Variants in FMNL2 observed in about 807,000 individuals in gnomAD.
The protein encoded by FMNL2 is formin-like protein 2.
A neutral mutation model predicts 130.2 loss-of-function variants in FMNL2; 51 were observed. The observed-to-expected ratio is 0.39, with a 90% confidence interval of 0.31 to 0.49. The LOEUF is 0.49. FMNL2 is among the 20% of genes least tolerant of loss of function. FMNL2 has a pLI of 0.85. For synonymous variants in FMNL2, 465 were observed against 467.1 expected (o/e 1.00, Z 0.06); for missense variants, 977 against 1,316.2 (o/e 0.74, Z 3.99).
rs1444430589 is a variant in FMNL2, at chr2:152,625,559, G to A, written c.1959G>A (p.Leu653=). Residue 653 remains leucine (L), a synonymous_variant, in exon 16 of 26, where the codon CTG becomes CTA. Transcript: ENST00000288670. ...ATGAAATTGATGATGAGCGAATTCTGGAGGTATTTTTCTCATTGGTTAGAA... is the reference window on the plus strand; with the variant it reads ...ATGAAATTGATGATGAGCGAATTCTAGAGGTATTTTTCTCATTGGTTAGAA... ...VFNEIDDERI[L]EDLNVDEFEE... The A allele has an allele frequency of 1.2e-6, 2 of 1,602,604 alleles. No individual in the cohort carries two copies. Among genetic ancestry groups the A allele is most frequent in the Non-Finnish European group, 1.7e-6 (2 of 1,170,510 alleles).
intron 1 of FMNL2, among the ~76,000 whole-genome samples, chr2:152,436,127 T>C (rs1186091265): frequency 6.6e-6 from 1 of 152,036 alleles, no homozygotes; most frequent in African/African-American, 2.4e-5. Flanking sequence ...GCTTGATAAG[T>C]TCAGGCCTTT....
At chr2:152,454,041 G>A (rs1387761626) in intron 1 of FMNL2, among the ~76,000 whole-genome samples, 2 of 152,186 alleles carry the variant, frequency 1.3e-5, no homozygotes, top group Non-Finnish European at 2.9e-5. Flanking sequence ...GGGAGGCTGA[G>A]GTGGGTGGAT....
chr2:152,364,297 G>A (rs1683383776), intron 1 of FMNL2, among the ~76,000 whole-genome samples: 1 of 91,856 alleles, frequency 1.1e-5, no homozygotes, highest in African/African-American at 4.9e-5. Context: ...TTTTTTACCA[G>A]ATCCTTAGAT....
In FMNL2 at chr2:152,555,211, G is replaced by A. The variant is rs187287965; in HGVS notation, c.360-3529G>A. 5.3e-5 allele frequency among the ~76,000 whole-genome samples: 8 copies of A among 152,260 alleles called. No individual in the cohort carries two copies. The East Asian group carries it at 5.8e-4, about 11-fold the overall frequency. Reference sequence around the variant, plus strand: ...TGAAAACAGTTTTACCTTCACAGGCGCCCTGAGAGGGTTTCAGGGACCCCT... The same window carrying A: ...TGAAAACAGTTTTACCTTCACAGGCACCCTGAGAGGGTTTCAGGGACCCCT... On this transcript the variant is annotated intron_variant, in intron 4 of 25. Transcript: ENST00000288670.
At chr2:152,599,632 TG>T (rs1200630216) in intron 9 of FMNL2, among the ~76,000 whole-genome samples, 1 of 152,072 alleles carries the variant, frequency 6.6e-6, no homozygotes, top group East Asian at 1.9e-4. Context: ...TGGAAACACC[TG>T]GAAAAGTTAC....
At chr2:152,497,790 G>A (rs1691592684) in intron 1 of FMNL2, among the ~76,000 whole-genome samples, 1 of 152,192 alleles carries the variant, frequency 6.6e-6, no homozygotes, top group African/African-American at 2.4e-5. Context: ...ACATGGGTTA[G>A]TCGGGTTTTC....
rs557404607 is a variant in FMNL2 at position 152,466,816 on chromosome 2, G to A, written c.118-55127G>A. On this transcript the variant is annotated intron_variant, in intron 1 of 25. Coordinates refer to ENST00000288670, the MANE Select transcript of FMNL2 (RefSeq NM_052905.4). ...TCTCAACTAGATCCAAAGAAACATG[G>A]CAGCCTCTGCAGTCCCCGTGAAGTG... 9.9e-5 allele frequency among the ~76,000 whole-genome samples: 15 copies of A among 152,244 alleles called. No homozygotes were observed. The South Asian group carries it at 2.3e-3, about 23-fold the overall frequency.
chr2:152,482,770 G>A (rs1475523757), intron 1 of FMNL2, among the ~76,000 whole-genome samples: 2 of 152,190 alleles, frequency 1.3e-5, no homozygotes, highest in African/African-American at 4.8e-5. Flanking sequence ...GTAAATGTTA[G>A]CTGCTGCTGC....
At chr2:152,594,602 C>T (rs977406296) in intron 9 of FMNL2, among the ~76,000 whole-genome samples, 1 of 152,250 alleles carries the variant, frequency 6.6e-6, no homozygotes, top group African/African-American at 2.4e-5. Flanking sequence ...GTTAGTACCA[C>T]CGCACGAGGT....
At chr2:152,474,019 A>G (rs373694454) in intron 1 of FMNL2, among the ~76,000 whole-genome samples, 2 of 152,168 alleles carry the variant, frequency 1.3e-5, no homozygotes, top group East Asian at 1.9e-4. Flanking sequence ...GGATTACAAG[A>G]GTGCAACACC....
intron 25 of FMNL2, 32 bp from the exon 26 acceptor site, chr2:152,647,764 C>G: frequency 6.2e-7 from 1 of 1,600,150 alleles, no homozygotes; most frequent in Non-Finnish European, 8.6e-7. Context: ...TTAAAGGTTG[C>G]TATTCTCTCA....
chr2:152,335,590 G>T lies in FMNL2; in HGVS notation c.-14G>T. On this transcript the variant is annotated 5_prime_UTR_variant, in exon 1 of 26. Transcript: ENST00000288670. ...GGGGCCCGGAGCAGCCCCCGGCCCC[G>T]GCGCGCCGCCGACATGGGCAACGCA... The T allele has an allele frequency of 1.3e-6, 2 of 1,579,658 alleles. No homozygotes were observed. The highest frequency in any genetic ancestry group is 2.2e-5 in the South Asian group (2 of 89,138).
chr2:152,583,407 G>A lies in FMNL2; in HGVS notation c.876+2358G>A, dbSNP rs538054607. Reference sequence around the variant, plus strand: ...AAGTATGAGTTAGAAAATAGTGAAAGTGTGGAGATTTATTGCAAAGCAAAA... The same window carrying A: ...AAGTATGAGTTAGAAAATAGTGAAAATGTGGAGATTTATTGCAAAGCAAAA... On this transcript the variant is annotated intron_variant, in intron 9 of 25. Transcript: ENST00000288670. Among the ~76,000 whole-genome samples, 13 of 152,312 alleles carry A rather than the reference G, an allele frequency of 8.5e-5. No individual in the cohort carries two copies. The East Asian group carries it at 2.1e-3, about 25-fold the overall frequency.
At chr2:152,643,435 C>A in intron 25 of FMNL2, 1 of 1,536,100 alleles carries the variant, frequency 6.5e-7, no homozygotes, top group Non-Finnish European at 8.7e-7. Flanking sequence ...AGACTGTGCC[C>A]TTTACTGCTC....
chr2:152,356,660 T>A (rs893065093), intron 1 of FMNL2, among the ~76,000 whole-genome samples: 1 of 152,180 alleles, frequency 6.6e-6, no homozygotes, highest in African/African-American at 2.4e-5. Flanking sequence ...GTGACTCTGC[T>A]TTTTTGTTTC....
chr2:152,581,157 T>C (rs1696756632), intron 9 of FMNL2, 108 bp downstream of exon 9: 2 of 904,620 alleles, frequency 2.2e-6, no homozygotes, highest in Admixed American at 2.8e-5. Context: ...AGGAATATAA[T>C]AGTTAATTTC....
At chr2:152,371,357 T>C (rs1268053999) in intron 1 of FMNL2, among the ~76,000 whole-genome samples, 1 of 132,734 alleles carries the variant, frequency 7.5e-6, no homozygotes, top group Non-Finnish European at 1.6e-5. Context: ...GAATATTTGT[T>C]CCTTCCAAAA....
At chr2:152,616,792 C>A (rs1173723773) in intron 12 of FMNL2, among the ~76,000 whole-genome samples, 12 of 152,142 alleles carry the variant, frequency 7.9e-5, no homozygotes, top group Admixed American at 7.9e-4. Context: ...TCCTCTTTCT[C>A]CTTACTTTCC....
rs550214050 is a variant in FMNL2, at chr2:152,649,566, C to T, written c.*1661C>T. 85 of 152,474 alleles carry T rather than the reference C, an allele frequency of 5.6e-4. 2 individuals are homozygous for T. The highest frequency in any genetic ancestry group is 1.5e-4 in the Non-Finnish European group (10 of 68,008). 9.4% of individuals were successfully genotyped at this position (152,474 alleles called of 1,614,324 possible). On this transcript the variant is annotated 3_prime_UTR_variant, in exon 26 of 26. Coordinates refer to ENST00000288670, the MANE Select transcript of FMNL2 (RefSeq NM_052905.4). The stretch of plus-strand genomic sequence containing the variant: ...CTTTCTGTGGACTCAACATTCACTT[C>T]GATTAAAAATAGCAATTTGACCAAG...
Sources: allele counts gnomAD v4.1 joint callset (sites outside exome capture counted in the v4.1 genomes callset), GRCh38; gene constraint gnomAD v4.1.1; transcripts MANE v1.5; gene names NCBI Gene and HGNC (gene_info 2026-07-23, HGNC 2026-07-21).